CDH12: variants seen among roughly 807,000 people sequenced by gnomAD.
CDH12 encodes the protein cadherin-12.
CDH12 carries 41 observed loss-of-function variants against 74.1 expected under a neutral mutation model. The observed-to-expected ratio is 0.55, with a 90% CI of 0.43 to 0.72. The LOEUF is 0.72. CDH12 is among the 30% of genes least tolerant of loss of function. CDH12 has a pLI of 0.00. For missense variants in CDH12, 945 were observed against 977.2 expected, an observed-to-expected ratio of 0.97 and a Z score of 0.44; for synonymous variants, 399 against 355.0, an observed-to-expected ratio of 1.12 and a Z score of -1.39.
intron 1 of CDH12, among the ~76,000 whole-genome samples, chr5:22,687,578 T>C (rs998194652): frequency 6.6e-6 from 1 of 151,994 alleles, no homozygotes; most frequent in African/African-American, 2.4e-5. Context: ...CCAGGACATA[T>C]ATATTTTAAA....
At chr5:22,467,427 A>G (rs571725651) in intron 2 of CDH12, among the ~76,000 whole-genome samples, 11 of 152,314 alleles carry the variant, frequency 7.2e-5, no homozygotes, top group Non-Finnish European at 1.2e-4. Context: ...GATGAAATCA[A>G]CTAAGAGTTC....
At chr5:22,593,147 T>C (rs990360632) in intron 1 of CDH12, among the ~76,000 whole-genome samples, 6 of 152,170 alleles carry the variant, frequency 3.9e-5, no homozygotes, top group Non-Finnish European at 7.3e-5. Context: ...CTTGATTTTA[T>C]AATGATCTCA....
chr5:22,620,653 T>A (rs542795324), intron 1 of CDH12, among the ~76,000 whole-genome samples: 1 of 152,134 alleles, frequency 6.6e-6, no homozygotes, highest in African/African-American at 2.4e-5. Flanking sequence ...CAGTAGATCA[T>A]GCGTGAGATC....
chr5:22,540,336 T>C (rs1382259753), intron 1 of CDH12, among the ~76,000 whole-genome samples: 2 of 152,148 alleles, frequency 1.3e-5, no homozygotes, highest in African/African-American at 4.8e-5. Context: ...GTTATTATTA[T>C]GTTTAATTCC....
chr5:22,305,790 T>C (rs1311979175), intron 3 of CDH12, among the ~76,000 whole-genome samples: 1 of 152,144 alleles, frequency 6.6e-6, no homozygotes. Flanking sequence ...GTCCAGTAAA[T>C]GTTGACCGTA....
intron 11 of CDH12, among the ~76,000 whole-genome samples, chr5:21,773,648 C>T (rs1276448176): frequency 6.6e-6 from 1 of 151,972 alleles, no homozygotes; most frequent in Non-Finnish European, 1.5e-5. Context: ...TTGCAGATGG[C>T]CTGTTGTGGG....
intron 3 of CDH12, among the ~76,000 whole-genome samples, chr5:22,243,542 C>T (rs1032103155): frequency 2.6e-5 from 4 of 152,088 alleles, no homozygotes; most frequent in Non-Finnish European, 5.9e-5. Context: ...AAAAGGTATG[C>T]GGAAACTTGA....
rs1736483069 is a variant in CDH12, at chr5:21,999,448, C to T, written c.232-24063G>A. Reference sequence around the variant, plus strand: ...TTGAACTGTCCCTTCAGGTTTGATGCGCTATCAGTTAACACTGCACTATTT... The same window carrying T: ...TTGAACTGTCCCTTCAGGTTTGATGTGCTATCAGTTAACACTGCACTATTT... On this transcript the variant is annotated intron_variant, in intron 5 of 14. Transcript: ENST00000382254. Among the ~76,000 whole-genome samples the T allele has an allele frequency of 4.6e-5, 7 of 152,234 alleles. No individual in the cohort carries two copies. The South Asian group carries it at 1.0e-3, about 23-fold the overall frequency.
chr5:22,265,670 A>G lies in CDH12; in HGVS notation c.-332-53027T>C, dbSNP rs762174365. ...TTTCCAGGAACAGAATTTGTATTTT[A>G]TAACACAAATTGGGGGAAAATAGTA... On this transcript the variant is annotated intron_variant, in intron 3 of 14. Transcript: ENST00000382254. 4.6e-5 allele frequency among the ~76,000 whole-genome samples: 7 copies of G among 152,152 alleles called. 1 individual carries two copies. In the South Asian group the frequency reaches 1.4e-3, roughly 31 times the overall value.
Position 21,751,763 on chromosome 5 carries a change from TC to T in CDH12, c.2358del (p.Ser787ValfsTer58). 1.9e-6 allele frequency: 3 copies of T among 1,613,874 alleles called. No individual in the cohort carries two copies. Among genetic ancestry groups the T allele is most frequent in the Non-Finnish European group, 2.5e-6 (3 of 1,179,920 alleles). On this transcript the variant is annotated frameshift_variant, in exon 15 of 15. Transcript: ENST00000382254. LOFTEE classifies it high-confidence loss of function. ...TAAGTGACTTTATCAGGGTTATAAC[TC>T]TCTTCTTCGCCAAACATGTCTGCCA... is the stretch of plus-strand genomic sequence containing the variant. ...KVLADMFGEE[E>X]SYNPDKVT
intron 3 of CDH12, among the ~76,000 whole-genome samples, chr5:22,280,856 C>T (rs911249351): frequency 6.6e-6 from 1 of 152,104 alleles, no homozygotes; most frequent in Non-Finnish European, 1.5e-5. Context: ...AGAGCGAATC[C>T]TCCCTAACTC....
At position 21,992,613 on chromosome 5, in the gene CDH12, A is replaced by G. The variant is rs2150136637; in HGVS notation, c.232-17228T>C. On this transcript the variant is annotated intron_variant, in intron 5 of 14. Transcript: ENST00000382254. ...AACTGACACATGAATGTTATTGACCATAGAGGTGCATTATTTCCGAGATTA... is the reference window on the plus strand; with the variant it reads ...AACTGACACATGAATGTTATTGACCGTAGAGGTGCATTATTTCCGAGATTA... 2.0e-5 allele frequency among the ~76,000 whole-genome samples: 3 copies of G among 152,260 alleles called. No homozygotes were observed. The Middle Eastern group carries it at 0.01, about 518-fold the overall frequency.
At chr5:22,614,473 G>A (rs80328574) in intron 1 of CDH12, among the ~76,000 whole-genome samples, 5 of 150,608 alleles carry the variant, frequency 3.3e-5, no homozygotes, top group African/African-American at 1.2e-4. Context: ...ACTGGATAAA[G>A]AAGTTGCAGG....
At chr5:22,843,465 C>T (rs909209710) in intron 1 of CDH12, among the ~76,000 whole-genome samples, 3 of 152,022 alleles carry the variant, frequency 2.0e-5, no homozygotes, top group Admixed American at 1.3e-4. Flanking sequence ...TTGTTTTCCT[C>T]CTGTCATTCA....
intron 3 of CDH12, among the ~76,000 whole-genome samples, chr5:22,293,795 C>A (rs902227243): frequency 2.0e-5 from 3 of 152,184 alleles, no homozygotes; most frequent in Admixed American, 1.3e-4. Context: ...CATAATTGAT[C>A]TCACAGAAGT....
intron 6 of CDH12, among the ~76,000 whole-genome samples, chr5:21,889,147 A>G (rs752986375): frequency 6.6e-6 from 1 of 152,150 alleles, no homozygotes; most frequent in Non-Finnish European, 1.5e-5. Context: ...ATGTTTTTAT[A>G]TTTTATACTT....
At chr5:22,321,631 A>G (rs1404978662) in intron 3 of CDH12, among the ~76,000 whole-genome samples, 1 of 151,626 alleles carries the variant, frequency 6.6e-6, no homozygotes, top group Non-Finnish European at 1.5e-5. Flanking sequence ...GTACCCTAAA[A>G]CTTAAAGTAT....
At position 21,981,807 on chromosome 5, in the gene CDH12, T is replaced by A. The variant is rs187499475; in HGVS notation, c.232-6422A>T. 5.3e-5 allele frequency among the ~76,000 whole-genome samples: 8 copies of A among 151,948 alleles called. No individual in the cohort carries two copies. In the East Asian group the frequency reaches 1.4e-3, roughly 26 times the overall value. ...AGTGATCCTCCTGAATAGCAGGGAT[T>A]ACAGGCACAGACTACCATGCTTAGC... On this transcript the variant is annotated intron_variant, in intron 5 of 14. Transcript: ENST00000382254.
chr5:22,342,367 G>A (rs904951218), intron 3 of CDH12, among the ~76,000 whole-genome samples: 17 of 152,160 alleles, frequency 1.1e-4, no homozygotes, highest in Non-Finnish European at 2.1e-4. Flanking sequence ...CTAGAGATTT[G>A]AGGAGAATTA....
Sources: allele counts gnomAD v4.1 joint callset (sites outside exome capture counted in the v4.1 genomes callset), GRCh38; gene constraint gnomAD v4.1.1; transcripts MANE v1.5; gene names NCBI Gene and HGNC (gene_info 2026-07-23, HGNC 2026-07-21).